HPF1: variants seen among roughly 807,000 people sequenced by gnomAD.
HPF1 encodes UPF0609 protein C4orf27.
In HPF1, 35 loss-of-function variants were observed where a neutral mutation model predicts 38.8. The ratio of observed to expected loss-of-function variants is 0.90; its 90% CI spans 0.69 to 1.19. The LOEUF (loss-of-function observed/expected upper bound fraction) is 1.19, where lower values mean the gene tolerates loss of function less well. Among genes scored for constraint, HPF1 ranks in the 50% most tolerant of loss-of-function variants. The probability of loss-of-function intolerance (pLI) is 0.00; values close to 1 mark genes in which losing one functional copy is unlikely to be tolerated. For synonymous variants in HPF1, 115 were observed against 139.2 expected (o/e 0.83, Z 1.22); for missense variants, 367 against 405.8 (o/e 0.90, Z 0.82).
At chr4:169,750,405 C>T (rs977207346) in intron 3 of HPF1, 131 bp downstream of exon 3, 24 of 603,268 alleles carry the variant, frequency 4.0e-5, no homozygotes, top group African/African-American at 3.4e-4. Flanking sequence ...ACAGCAAGAA[C>T]AACAGATGGC....
At chr4:169,745,390 C>T (rs1734034800) in intron 4 of HPF1, among the ~76,000 whole-genome samples, 1 of 152,192 alleles carries the variant, frequency 6.6e-6, no homozygotes, top group African/African-American at 2.4e-5. Context: ...TTACTTGTCC[C>T]TGGTGGCTCT....
At chr4:169,739,267 T>C (rs1020337540) in intron 5 of HPF1, among the ~76,000 whole-genome samples, 1 of 152,114 alleles carries the variant, frequency 6.6e-6, no homozygotes, top group Non-Finnish European at 1.5e-5. Context: ...ACAAATTAAC[T>C]GATAAAATAT....
chr4:169,755,071 CTCA>C (rs1734171682), intron 1 of HPF1, among the ~76,000 whole-genome samples: 3 of 124,844 alleles, frequency 2.4e-5, no homozygotes, highest in African/African-American at 8.8e-5. Context: ...CCCCCGCCCC[CTCA>C]TATTTATATT....
At chr4:169,737,430 T>C (rs1327537081) in intron 6 of HPF1, among the ~76,000 whole-genome samples, 1 of 149,014 alleles carries the variant, frequency 6.7e-6, no homozygotes, top group African/African-American at 2.4e-5. Flanking sequence ...ATTTTACAGA[T>C]GAAAAAGACA....
Position 169,750,725 on chromosome 4 carries a change from T to G in HPF1, c.209A>C (p.Asp70Ala), listed in dbSNP as rs1325248785. ...AAGTCCAAGGCTTGCAGAAAGTGAATCTATAAAGAAAATAAATTTAGACAA... is the reference window on the plus strand; with the variant it reads ...AAGTCCAAGGCTTGCAGAAAGTGAAGCTATAAAGAAAATAAATTTAGACAA... Reference protein sequence around the residue: ...CEELDPEKPSDSLSASLGLQL... With the variant: ...CEELDPEKPSASLSASLGLQL... The change falls in exon 3 of 8, where the codon GAT (aspartate) becomes GCT (alanine). Residue 70 changes from aspartate to alanine, a missense_variant and splice_region_variant. By Grantham distance (126) the Asp-to-Ala change is moderately radical. Coordinates refer to ENST00000393381, the MANE Select transcript of HPF1 (RefSeq NM_017867.3). 6.3e-7 allele frequency: 1 copy of G among 1,589,342 alleles called. No homozygotes were observed. The highest frequency in any genetic ancestry group is 8.6e-7 in the Non-Finnish European group (1 of 1,168,018).
chr4:169,750,731 A>C lies in HPF1; in HGVS notation c.209-6T>G. ...AAGGCTTGCAGAAAGTGAATCTATA[A>C]AGAAAATAAATTTAGACAATACTTT... On this transcript the variant is annotated splice_polypyrimidine_tract_variant and splice_region_variant and intron_variant, in intron 2 of 7. Coordinates refer to ENST00000393381, the MANE Select transcript of HPF1 (RefSeq NM_017867.3). 1.3e-6 allele frequency: 2 copies of C among 1,584,526 alleles called. No individual in the cohort carries two copies. The highest frequency in any genetic ancestry group is 1.7e-6 in the Non-Finnish European group (2 of 1,163,944).
chr4:169,742,655 G>A (rs553328915), intron 4 of HPF1, among the ~76,000 whole-genome samples: 28 of 152,306 alleles, frequency 1.8e-4, no homozygotes, highest in South Asian at 4.1e-4. Flanking sequence ...AGCCGGGCGT[G>A]ATGGCGGGCG....
chr4:169,743,478 T>C (rs561551884), intron 4 of HPF1, among the ~76,000 whole-genome samples: 5 of 145,570 alleles, frequency 3.4e-5, no homozygotes, highest in East Asian at 2.1e-4. Flanking sequence ...TAAAGGTCGA[T>C]AGATTTTTTT....
intron 1 of HPF1, among the ~76,000 whole-genome samples, chr4:169,755,891 T>C (rs1266698723): frequency 5.9e-5 from 9 of 152,106 alleles, no homozygotes; most frequent in Non-Finnish European, 7.4e-5. Context: ...AGCTTTGGGA[T>C]TGGGCAATGG....
In HPF1 at chr4:169,750,652, C is replaced by T. The variant is rs748693516; in HGVS notation, c.282G>A (p.Lys94=). The part of the protein sequence containing the change: ...YDILAGKHKT[K]KKSTGLNFNL... ...TAAAATTCAGGCCTGTTGATTTTTT[C>T]TTCGTTTTATGTTTTCCAGCAAGGA... Residue 94 remains lysine, a synonymous_variant, in exon 3 of 8, where the codon AAG becomes AAA. Coordinates refer to ENST00000393381, the MANE Select transcript of HPF1 (RefSeq NM_017867.3). 6.2e-7 allele frequency: 1 copy of T among 1,613,770 alleles called. No individual in the cohort carries two copies. Among genetic ancestry groups the T allele is most frequent in the Admixed American group, 1.7e-5 (1 of 59,996 alleles).
In HPF1 at chr4:169,753,666, A is replaced by G. The variant is rs755142162; in HGVS notation, c.208+10T>C. On this transcript the variant is annotated intron_variant, in intron 2 of 7. Transcript: ENST00000393381. ...TCCATTAATACAAGAATGATTCTGGAGCAACTCACCAGATGGCTTTTCAGG... is the reference window on the plus strand; with the variant it reads ...TCCATTAATACAAGAATGATTCTGGGGCAACTCACCAGATGGCTTTTCAGG... The G allele has an allele frequency of 2.5e-6, 4 of 1,605,014 alleles. No individual in the cohort carries two copies. The South Asian group carries it at 3.3e-5, about 13-fold the overall frequency.
At chr4:169,745,641 A>G (rs551071938) in intron 4 of HPF1, among the ~76,000 whole-genome samples, 8 of 152,288 alleles carry the variant, frequency 5.3e-5, no homozygotes, top group East Asian at 1.9e-4. Context: ...GATGAACTCA[A>G]TGGTAGACAT....
At chr4:169,736,439 G>A (rs1733896270) in intron 6 of HPF1, among the ~76,000 whole-genome samples, 1 of 151,904 alleles carries the variant, frequency 6.6e-6, no homozygotes, top group Admixed American at 6.6e-5. Context: ...GGCACTCAGT[G>A]GCCATCACAC....
intron 3 of HPF1, 148 bp from the exon 4 acceptor site, chr4:169,748,990 C>T (rs1315481872): frequency 1.1e-5 from 5 of 451,368 alleles, no homozygotes; most frequent in South Asian, 3.9e-5. Flanking sequence ...CAGAATTTAT[C>T]GATTACATCA....
chr4:169,735,932 TAAA>T (rs36044065), intron 6 of HPF1, among the ~76,000 whole-genome samples: 4 of 105,670 alleles, frequency 3.8e-5, no homozygotes, highest in Non-Finnish European at 6.4e-5. Flanking sequence ...GAGAAGGAGC[TAAA>T]AAAAAAAAAA....
At chr4:169,737,266 G>A (rs1181835886) in intron 6 of HPF1, among the ~76,000 whole-genome samples, 2 of 144,146 alleles carry the variant, frequency 1.4e-5, no homozygotes, top group African/African-American at 2.6e-5. Flanking sequence ...CTCCAGCCTG[G>A]GCGACAGAGC....
intron 2 of HPF1, among the ~76,000 whole-genome samples, chr4:169,752,500 C>G (rs1460337478): frequency 1.3e-5 from 2 of 152,074 alleles, no homozygotes; most frequent in African/African-American, 4.8e-5. Context: ...AGCCCATTAA[C>G]AGTTTCTTTA....
intron 4 of HPF1, 117 bp downstream of exon 4, chr4:169,748,627 C>A: frequency 3.8e-6 from 2 of 532,850 alleles, no homozygotes; most frequent in South Asian, 5.9e-5. Context: ...CCACCTCGGC[C>A]TCCCAAAGTG....
intron 6 of HPF1, among the ~76,000 whole-genome samples, chr4:169,734,103 C>T (rs1355291244): frequency 2.6e-5 from 4 of 152,156 alleles, no homozygotes; most frequent in Admixed American, 6.5e-5. Flanking sequence ...GCACCACCTA[C>T]GTTTCTAACT....
Sources: gnomAD v4.1 joint callset for allele counts (sites outside exome capture counted in the v4.1 genomes callset) on GRCh38, gnomAD v4.1.1 for gene constraint, MANE v1.5 for transcripts, NCBI Gene and HGNC (gene_info 2026-07-23, HGNC 2026-07-21) for gene names.